Variants in ATP7B observed in about 807,000 individuals in gnomAD.
ATP7B encodes copper-transporting ATPase 2.
ATP7B carries 113 observed loss-of-function variants against 118.9 expected under a neutral mutation model. The ratio of observed to expected loss-of-function variants is 0.95; its 90% CI spans 0.82 to 1.11. The LOEUF (loss-of-function observed/expected upper bound fraction) is 1.11. Among genes scored for constraint, ATP7B ranks in the 50% most tolerant of loss-of-function variants. The pLI, the probability that ATP7B is intolerant of heterozygous loss-of-function variation, is 0.00. For missense variants in ATP7B, 1,867 were observed against 1,871.4 expected, an observed-to-expected ratio of 1.00 and a Z score of 0.04; for synonymous variants, 777 against 727.4, an observed-to-expected ratio of 1.07 and a Z score of -1.10.
chr13:51,974,960 A>C lies in ATP7B; in HGVS notation c.260T>G (p.Ile87Ser). 6.2e-7 allele frequency: 1 copy of C among 1,614,196 alleles called. No homozygotes were observed. The highest frequency in any genetic ancestry group is 1.3e-5 in the African/African-American group (1 of 75,054). ...EDRISNLKGI[I>S]SMKVSLEQGS... ...TTGTTCCAGGGAAACCTTCATGCTG[A>C]TGATGCCTTTCAAATTGGAAATCCT... Residue 87 changes from isoleucine (I) to serine (S), a missense_variant, in exon 2 of 21, where the codon ATC (isoleucine) becomes AGC (serine). Coordinates refer to ENST00000242839, the MANE Select transcript of ATP7B (RefSeq NM_000053.4).
At chr13:51,955,351 T>C (rs1958270281) in intron 9 of ATP7B, among the ~76,000 whole-genome samples, 1 of 152,148 alleles carries the variant, frequency 6.6e-6, no homozygotes, top group African/African-American at 2.4e-5. Flanking sequence ...GACAGAGGGT[T>C]GGGCTCGGGG....
chr13:52,011,528 C>T (rs1954038092), upstream of ATP7B: 5 of 697,974 alleles, frequency 7.2e-6, no homozygotes, highest in East Asian at 2.7e-5. Flanking sequence ...GAAGCCGCAG[C>T]CCTCTTCACA....
Position 51,944,138 on chromosome 13 carries a change from C to T in ATP7B, c.3214G>A (p.Gly1072Ser), listed in dbSNP as rs1957507835. 6.2e-7 allele frequency: 1 copy of T among 1,614,134 alleles called. No homozygotes were observed. Among genetic ancestry groups the T allele is most frequent in the South Asian group, 1.1e-5 (1 of 91,076 alleles). Residue 1072 changes from glycine (G) to serine (S), a missense_variant, in exon 14 of 21, where the codon GGC (glycine) becomes AGC (serine). Coordinates refer to ENST00000242839, the MANE Select transcript of ATP7B (RefSeq NM_000053.4). ...TAEASSEHPLGVAVTKYCKEE... is the reference protein window; with the variant it reads ...TAEASSEHPLSVAVTKYCKEE... The stretch of plus-strand genomic sequence containing the variant: ...TTACAGTATTTGGTGACTGCCACGC[C>T]CAAGGGGTGTTCACTGCTGGCCTCC...
At position 51,974,622 on chromosome 13, in the gene ATP7B, G is replaced by T; in HGVS notation, c.598C>A (p.His200Asn). 1.4e-5 allele frequency: 23 copies of T among 1,612,390 alleles called. No individual in the cohort carries two copies. Among genetic ancestry groups the T allele is most frequent in the Non-Finnish European group, 2.0e-5 (23 of 1,179,010 alleles). The change falls in exon 2 of 21, where the codon CAT (histidine) becomes AAT (asparagine). Residue 200 changes from histidine to asparagine, a missense_variant. Coordinates refer to ENST00000242839, the MANE Select transcript of ATP7B (RefSeq NM_000053.4). ...YLIQPEDLRDHVNDMGFEAAI... is the reference protein window; with the variant it reads ...YLIQPEDLRDNVNDMGFEAAI... ...GCTTCAAATCCCATGTCATTTACAT[G>T]GTCCCTGAGGTCTTCGGGCTGAATG...
At position 51,957,805 on chromosome 13, in the gene ATP7B, T is replaced by C. The variant is rs1157631241; in HGVS notation, c.2356-198A>G. 3.2e-5 allele frequency: 19 copies of C among 603,108 alleles called. No homozygotes were observed. The Admixed American group carries it at 5.1e-4, about 16-fold the overall frequency. 37.4% of individuals were successfully genotyped at this position (603,108 alleles called of 1,614,324 possible). A position where few individuals can be genotyped will look rare whatever the true frequency, so the allele number is the denominator to read the frequency against. On this transcript the variant is annotated intron_variant, in intron 8 of 20. Coordinates refer to ENST00000242839, the MANE Select transcript of ATP7B (RefSeq NM_000053.4). ...ATGTCACTTCCACAGTGATGCACAG[T>C]GCCTGTGCCACTAAAGTCCGGGAAT...
chr13:51,996,339 A>G (rs1195659615), intron 1 of ATP7B, among the ~76,000 whole-genome samples: 1 of 152,136 alleles, frequency 6.6e-6, no homozygotes, highest in Non-Finnish European at 1.5e-5. Flanking sequence ...GACACACGAC[A>G]CTGTGGTAAT....
In ATP7B at chr13:51,941,121, G is replaced by A. The variant is rs528866491; in HGVS notation, c.3516C>T (p.His1172=). The A allele has an allele frequency of 1.1e-5, 18 of 1,614,156 alleles. No homozygotes were observed. The highest frequency in any genetic ancestry group is 2.2e-5 in the South Asian group (2 of 91,078). ...SSDVSDAMTD[H]EMKGQTAILV... The stretch of plus-strand genomic sequence containing the variant: ...GGATGGCTGTCTGTCCTTTCATCTC[G>A]TGGTCTGTCATAGCGTCACTGACAT... Residue 1172 remains histidine (H), a synonymous_variant, in exon 16 of 21, where the codon CAC becomes CAT. Coordinates refer to ENST00000242839, the MANE Select transcript of ATP7B (RefSeq NM_000053.4).
chr13:51,944,252 G>C lies in ATP7B; in HGVS notation c.3100C>G (p.His1034Asp). Residue 1034 changes from histidine (H) to aspartate (D), a missense_variant, in exon 14 of 21, where the codon CAT becomes GAT. By Grantham distance (81) the His-to-Asp change is moderately conservative (BLOSUM62 -1). Transcript: ENST00000242839. ...VMFDKTGTIT[H>D]GVPRVMRVLL... ...ACCCGCATGACCCTGGGGACGCCAT[G>C]GGTAATGGTGCCAGTCTTGTCAAAC... 1 of 1,614,098 alleles carries C rather than the reference G, an allele frequency of 6.2e-7. No homozygotes were observed. The highest frequency in any genetic ancestry group is 8.5e-7 in the Non-Finnish European group (1 of 1,180,026).
chr13:51,979,099 C>T (rs1030336182), intron 1 of ATP7B: 2 of 152,226 alleles, frequency 1.3e-5, no homozygotes, highest in African/African-American at 2.4e-5. Flanking sequence ...AGCAAGCACT[C>T]CTCTAGAACA....
chr13:51,957,583 T>C lies in ATP7B; in HGVS notation c.2380A>G (p.Lys794Glu). 1 of 1,614,202 alleles carries C rather than the reference T, an allele frequency of 6.2e-7. No individual in the cohort carries two copies. The highest frequency in any genetic ancestry group is 8.5e-7 in the Non-Finnish European group (1 of 1,179,992). Residue 794 changes from lysine to glutamate, a missense_variant, in exon 9 of 21, where the codon AAA becomes GAA. Physicochemically the swap from Lys to Glu is moderately conservative, Grantham distance 56. Coordinates refer to ENST00000242839, the MANE Select transcript of ATP7B (RefSeq NM_000053.4). ...AKSKTSEALA[K>E]LMSLQATEAT... ...TCTGTGGCTTGGAGAGACATGAGTTTAGCCAGGGCTTCTGAGGTTTTGCTC... is the reference window on the plus strand; with the variant it reads ...TCTGTGGCTTGGAGAGACATGAGTTCAGCCAGGGCTTCTGAGGTTTTGCTC...
Position 51,941,177 on chromosome 13 carries a change from G to A in ATP7B, c.3460C>T (p.Leu1154=), listed in dbSNP as rs1400689299. The A allele has an allele frequency of 6.2e-7, 1 of 1,614,130 alleles. No individual in the cohort carries two copies. The highest frequency in any genetic ancestry group is 2.2e-5 in the East Asian group (1 of 44,882). ...GAAATGGTTAAACCGTTGCGCCTCA[G>A]CCACTCACGGTTTCCAATCAGCACA... The part of the protein sequence containing the change: ...FSVLIGNREW[L]RRNGLTISSD... The change falls in exon 16 of 21, where the codon CTG becomes TTG. Residue 1154 remains leucine, a synonymous_variant. Transcript: ENST00000242839.
intron 12 of ATP7B, among the ~76,000 whole-genome samples, chr13:51,948,325 A>G (rs992779200): frequency 6.6e-6 from 1 of 152,278 alleles, no homozygotes; most frequent in African/African-American, 2.4e-5. Flanking sequence ...ATCATAGCAC[A>G]CTACAGCCTC....
intron 4 of ATP7B, among the ~76,000 whole-genome samples, chr13:51,966,351 G>A (rs1447545298): frequency 6.6e-6 from 1 of 152,208 alleles, no homozygotes; most frequent in Non-Finnish European, 1.5e-5. Flanking sequence ...GCCATCTGCA[G>A]CATGAGGTGA....
At chr13:51,978,153 AAACAC>A (rs1952219366) in intron 1 of ATP7B, among the ~76,000 whole-genome samples, 1 of 152,200 alleles carries the variant, frequency 6.6e-6, no homozygotes, top group African/African-American at 2.4e-5. Flanking sequence ...TGACATAACT[AAACAC>A]AATAAGGACA....
At chr13:51,940,898 G>A (rs983297772) in intron 16 of ATP7B, among the ~76,000 whole-genome samples, 183 bp downstream of exon 16, 2 of 152,092 alleles carry the variant, frequency 1.3e-5, no homozygotes, top group Non-Finnish European at 1.5e-5. Context: ...GGGCCAAGAT[G>A]GAGCCAGTGG....
chr13:51,951,338 G>A (rs975282736), intron 9 of ATP7B, among the ~76,000 whole-genome samples: 11 of 152,082 alleles, frequency 7.2e-5, no homozygotes, highest in Admixed American at 5.2e-4. Context: ...AGATGGAGAT[G>A]ATTATGGAGA....
chr13:51,983,075 C>T (rs535782597), intron 1 of ATP7B, among the ~76,000 whole-genome samples: 7 of 152,272 alleles, frequency 4.6e-5, no homozygotes, highest in African/African-American at 1.7e-4. Flanking sequence ...ACCGTTCACT[C>T]GCCTGGAAAG....
chr13:51,955,453 T>C (rs1227429842), intron 9 of ATP7B, among the ~76,000 whole-genome samples: 1 of 152,174 alleles, frequency 6.6e-6, no homozygotes, highest in African/African-American at 2.4e-5. Flanking sequence ...AGCTTAATAA[T>C]GTCCTGTCAT....
At chr13:52,003,424 C>T (rs149805627) in intron 1 of ATP7B, among the ~76,000 whole-genome samples, 1 of 152,252 alleles carries the variant, frequency 6.6e-6, no homozygotes, top group Non-Finnish European at 1.5e-5. Flanking sequence ...ATTAACTTTG[C>T]CATCTTACAC....
Sources: gnomAD v4.1 joint callset for allele counts (sites outside exome capture counted in the v4.1 genomes callset) on GRCh38, gnomAD v4.1.1 for gene constraint, MANE v1.5 for transcripts, NCBI Gene and HGNC (gene_info 2026-07-23, HGNC 2026-07-21) for gene names.